Variants in EFCAB5 observed in about 807,000 individuals in gnomAD.
The protein encoded by EFCAB5 is EF-hand calcium binding domain 5.
EFCAB5 carries 131 observed loss-of-function variants against 167.9 expected under a neutral mutation model. The observed-to-expected ratio is 0.78, with a 90% CI of 0.68 to 0.90. The LOEUF is 0.90. Ranked by LOEUF, EFCAB5 falls within the 40% of genes least tolerant of loss-of-function variation. The pLI, the probability that EFCAB5 is intolerant of heterozygous loss-of-function variation, is 0.00. For missense variants in EFCAB5, 1,663 were observed against 1,745.2 expected, an observed-to-expected ratio of 0.95 and a Z score of 0.84; for synonymous variants, 574 against 602.8, an observed-to-expected ratio of 0.95 and a Z score of 0.70.
intron 3 of EFCAB5, among the ~76,000 whole-genome samples, 192 bp from the exon 4 acceptor site, chr17:29,968,599 C>T (rs2067882176): frequency 6.6e-6 from 1 of 152,114 alleles, no homozygotes. Flanking sequence ...TGCTAAATGG[C>T]TTCTGATTAA....
intron 8 of EFCAB5, among the ~76,000 whole-genome samples, chr17:30,047,288 A>C (rs912850610): frequency 6.6e-6 from 1 of 152,152 alleles, no homozygotes; most frequent in South Asian, 2.1e-4. Flanking sequence ...GTGCACTTCT[A>C]CCATATCGCC....
chr17:30,095,421 A>G (rs1284208734), intron 22 of EFCAB5, among the ~76,000 whole-genome samples: 1 of 152,180 alleles, frequency 6.6e-6, no homozygotes. Context: ...ATGATCCTCT[A>G]AGGGTGACAA....
chr17:30,102,145 A>T (rs572607826), intron 22 of EFCAB5, among the ~76,000 whole-genome samples: 48 of 149,524 alleles, frequency 3.2e-4, no homozygotes, highest in Non-Finnish European at 5.9e-4. Context: ...CGGAAGGAGA[A>T]TATGGGTGCA....
chr17:30,052,368 T>C (rs1461061604), intron 9 of EFCAB5, among the ~76,000 whole-genome samples: 2 of 152,268 alleles, frequency 1.3e-5, no homozygotes, highest in East Asian at 1.9e-4. Flanking sequence ...GGTTTTGCCA[T>C]GTTGGGCAGG....
At chr17:29,969,637 G>T (rs1339741969) in intron 4 of EFCAB5, among the ~76,000 whole-genome samples, 1 of 152,068 alleles carries the variant, frequency 6.6e-6, no homozygotes, top group Non-Finnish European at 1.5e-5. Flanking sequence ...GCCTGCACTG[G>T]AAAGTAAGCT....
intron 4 of EFCAB5, among the ~76,000 whole-genome samples, chr17:29,974,435 C>T (rs963349703): frequency 6.6e-6 from 1 of 151,652 alleles, no homozygotes; most frequent in African/African-American, 2.4e-5. Flanking sequence ...GCCAGTTACT[C>T]CAGAGGCTGA....
At chr17:29,990,413 C>T (rs1254544805) in intron 4 of EFCAB5, among the ~76,000 whole-genome samples, 1 of 152,066 alleles carries the variant, frequency 6.6e-6, no homozygotes, top group Non-Finnish European at 1.5e-5. Context: ...ACATATGGCA[C>T]AATCAGGAGC....
Position 30,055,958 on chromosome 17 carries a change from A to G in EFCAB5, c.2265A>G (p.Ser755=). The G allele has an allele frequency of 1.2e-6, 2 of 1,613,738 alleles. No individual in the cohort carries two copies. Among genetic ancestry groups the G allele is most frequent in the Non-Finnish European group, 1.7e-6 (2 of 1,179,786 alleles). ...AGTCCCAAAAAATAGAAGGAAAGTC[A>G]TGGTCAGGTAACTCCTCATTTAATC... is the stretch of plus-strand genomic sequence containing the variant. The part of the protein sequence containing the change: ...EPKSQKIEGK[S]WSGEFFTCNW... The change falls in exon 11 of 23, where the codon TCA becomes TCG. Residue 755 remains serine (S), a synonymous_variant. Transcript: ENST00000394835.
rs1020225951 is a variant in EFCAB5, at chr17:29,931,715, T to A, written c.-127+2386T>A. Among the ~76,000 whole-genome samples, 4 of 152,250 alleles carry A rather than the reference T, an allele frequency of 2.6e-5. No individual in the cohort carries two copies. In the South Asian group the frequency reaches 8.3e-4, roughly 32 times the overall value. The stretch of plus-strand genomic sequence containing the variant: ...GAGACCAAAGAGGAAACTAGATACA[T>A]AGCCAAAAAATACACATAGCTAGAA... On this transcript the variant is annotated intron_variant, in intron 1 of 3. Transcript: ENST00000448319.
In EFCAB5 at chr17:30,022,874, A is replaced by T. The variant is rs180789515; in HGVS notation, c.1045-11356A>T. ...TCAAACTAGAACTCAGGATTAAGAAACTCACTCAAAACCACTCAACTAAAT... is the reference window on the plus strand; with the variant it reads ...TCAAACTAGAACTCAGGATTAAGAATCTCACTCAAAACCACTCAACTAAAT... On this transcript the variant is annotated intron_variant, in intron 7 of 22. Coordinates refer to ENST00000394835, the MANE Select transcript of EFCAB5 (RefSeq NM_198529.4). 6.2e-4 allele frequency among the ~76,000 whole-genome samples: 94 copies of T among 152,284 alleles called. 1 individual carries two copies. The East Asian group carries it at 0.018, about 28-fold the overall frequency.
chr17:29,996,919 A>T (rs1261182811), intron 6 of EFCAB5, among the ~76,000 whole-genome samples: 3 of 152,098 alleles, frequency 2.0e-5, no homozygotes, highest in African/African-American at 7.2e-5. Context: ...GGATAATCTC[A>T]TCCAGTTCTG....
intron 22 of EFCAB5, among the ~76,000 whole-genome samples, chr17:30,094,507 CAAAAAAAAAAAAA>C (rs57885339): frequency 1.7e-4 from 7 of 40,716 alleles, no homozygotes; most frequent in Middle Eastern, 0.014. Context: ...CTTGTCTCTC[CAAAAAAAAAAAAA>C]AAAAAAAAAA....
At chr17:29,989,406 T>A (rs1294019667) in intron 4 of EFCAB5, among the ~76,000 whole-genome samples, 1 of 152,260 alleles carries the variant, frequency 6.6e-6, no homozygotes, top group South Asian at 2.1e-4. Flanking sequence ...ATTGTTGGAC[T>A]GTTTAACATG....
At chr17:30,012,733 C>A (rs1420834711) in intron 7 of EFCAB5, among the ~76,000 whole-genome samples, 1 of 152,206 alleles carries the variant, frequency 6.6e-6, no homozygotes. Flanking sequence ...ACTCTCTCGT[C>A]TCTGCACATG....
chr17:29,945,514 C>T (rs770291839), intron 3 of EFCAB5, among the ~76,000 whole-genome samples: 26 of 151,892 alleles, frequency 1.7e-4, no homozygotes, highest in South Asian at 6.2e-4. Context: ...GAGTTCGAGA[C>T]CAGCCTGGGC....
intron 5 of EFCAB5, 72 bp downstream of exon 5, chr17:29,993,393 G>A (rs2068466817): frequency 6.9e-7 from 1 of 1,452,576 alleles, no homozygotes; most frequent in Non-Finnish European, 9.2e-7. Flanking sequence ...AGAATACTGA[G>A]TAGCATACTA....
At chr17:30,030,697 C>T (rs1414857214) in intron 7 of EFCAB5, among the ~76,000 whole-genome samples, 1 of 151,328 alleles carries the variant, frequency 6.6e-6, no homozygotes, top group Non-Finnish European at 1.5e-5. Context: ...GGGTCCCGCT[C>T]TGTTGCCTGG....
At chr17:30,051,293 A>G (rs1219685043) in intron 9 of EFCAB5, 76 bp downstream of exon 9, 13 of 1,196,004 alleles carry the variant, frequency 1.1e-5, no homozygotes, top group Admixed American at 1.9e-5. Flanking sequence ...TGATACACTG[A>G]TATGTTAACA....
chr17:29,999,694 T>G (rs1036619998), intron 6 of EFCAB5, among the ~76,000 whole-genome samples: 1 of 152,110 alleles, frequency 6.6e-6, no homozygotes, highest in African/African-American at 2.4e-5. Flanking sequence ...AGGCTCTTTT[T>G]TTTTAGTATT....
Sources: gnomAD v4.1 joint callset for allele counts (sites outside exome capture counted in the v4.1 genomes callset) on GRCh38, gnomAD v4.1.1 for gene constraint, MANE v1.5 for transcripts, NCBI Gene and HGNC (gene_info 2026-07-23, HGNC 2026-07-21) for gene names.